Variants in SCHIP1 observed in about 807,000 individuals in gnomAD.
The protein encoded by SCHIP1 is schwannomin interacting protein 1.
SCHIP1 carries 8 observed loss-of-function variants against 29.7 expected under a neutral mutation model. The observed-to-expected ratio is 0.27, with a 90% confidence interval of 0.16 to 0.49. The LOEUF (loss-of-function observed/expected upper bound fraction) is 0.49, where lower values mean the gene tolerates loss of function less well. Ranked by LOEUF, SCHIP1 falls within the 20% of genes least tolerant of loss-of-function variation. The pLI is 0.99. For missense variants in SCHIP1, 193 were observed against 294.6 expected (o/e 0.66, Z 2.52); for synonymous variants, 76 against 94.9 (o/e 0.80, Z 1.16).
At chr3:159,372,896 A>T in the SCHIP1 span, among the ~76,000 whole-genome samples, 1 of 152,078 alleles carries the variant, frequency 6.6e-6, no homozygotes, top group Non-Finnish European at 1.5e-5. Flanking sequence ...TGGCAACAGA[A>T]ACCTTATAGT....
At chr3:159,719,643 A>C in the SCHIP1 span, among the ~76,000 whole-genome samples, 2 of 152,378 alleles carry the variant, frequency 1.3e-5, no homozygotes, top group East Asian at 3.9e-4. Flanking sequence ...AATGCTCATC[A>C]TCACTGGCCA....
intron 2 of SCHIP1, among the ~76,000 whole-genome samples, chr3:159,884,045 T>G (rs1222607617): frequency 6.6e-6 from 1 of 152,202 alleles, no homozygotes; most frequent in African/African-American, 2.4e-5. Flanking sequence ...ATTTTACATT[T>G]TTATAATCTG....
intron 1 of SCHIP1, among the ~76,000 whole-genome samples, chr3:159,865,099 G>T (rs1483659026): frequency 1.3e-5 from 2 of 152,082 alleles, no homozygotes; most frequent in African/African-American, 4.8e-5. Flanking sequence ...GAGAATGAAG[G>T]CATCACCAAG....
At chr3:159,765,412 A>G in the SCHIP1 span, 1 of 416,600 alleles carries the variant, frequency 2.4e-6, no homozygotes, top group Non-Finnish European at 4.2e-6. Flanking sequence ...ACTCATTTTA[A>G]TGGAATTACT....
chr3:159,805,522 TC>T, the SCHIP1 span, among the ~76,000 whole-genome samples: 1 of 152,186 alleles, frequency 6.6e-6, no homozygotes, highest in Non-Finnish European at 1.5e-5. Context: ...GACTTAGGCC[TC>T]CCTCACCTTG....
exon 4 of SCHIP1, chr3:159,887,878 C>T: frequency 6.2e-7 from 1 of 1,613,998 alleles, no homozygotes; most frequent in Non-Finnish European, 8.5e-7. Flanking sequence ...AGAAACAGAA[C>T]AGGAAAAAGT....
intron 2 of SCHIP1, among the ~76,000 whole-genome samples, chr3:159,882,347 A>G (rs1716529525): frequency 6.6e-6 from 1 of 152,086 alleles, no homozygotes; most frequent in African/African-American, 2.4e-5. Flanking sequence ...ACAGGGGGAT[A>G]AAAATCTTAC....
the SCHIP1 span, among the ~76,000 whole-genome samples, chr3:159,740,771 GAAAAAAA>G: frequency 2.8e-4 from 29 of 104,912 alleles, no homozygotes; most frequent in Admixed American, 1.4e-3. Flanking sequence ...CAAAAAAAAA[GAAAAAAA>G]AAAAAAAAAA....
the SCHIP1 span, among the ~76,000 whole-genome samples, chr3:159,504,435 T>A: frequency 2.0e-5 from 3 of 152,202 alleles, no homozygotes; most frequent in Admixed American, 1.3e-4. Flanking sequence ...AAAGTATATT[T>A]ACATTTAAAA....
chr3:159,704,757 C>T, the SCHIP1 span, among the ~76,000 whole-genome samples: 4 of 152,106 alleles, frequency 2.6e-5, no homozygotes, highest in Non-Finnish European at 5.9e-5. Flanking sequence ...AAAGAATTCA[C>T]GGCACCAATA....
chr3:159,711,261 T>C, the SCHIP1 span, among the ~76,000 whole-genome samples: 6 of 78,508 alleles, frequency 7.6e-5, 2 homozygotes, highest in African/African-American at 9.8e-4. Flanking sequence ...CTTGGGAGGC[T>C]GAGGCAGGAG....
chr3:159,523,658 C>G, the SCHIP1 span, among the ~76,000 whole-genome samples: 1 of 152,102 alleles, frequency 6.6e-6, no homozygotes, highest in African/African-American at 2.4e-5. Flanking sequence ...CATTTATTTA[C>G]GCATCCATCC....
the SCHIP1 span, among the ~76,000 whole-genome samples, chr3:159,383,078 G>T: frequency 2.0e-5 from 3 of 149,794 alleles, 1 homozygote; most frequent in African/African-American, 7.4e-5. Flanking sequence ...TCTGACGGTA[G>T]CTTCTTTTGC....
At chr3:159,748,814 A>T in the SCHIP1 span, among the ~76,000 whole-genome samples, 1 of 152,250 alleles carries the variant, frequency 6.6e-6, no homozygotes, top group Non-Finnish European at 1.5e-5. Context: ...CAAAAAGAGC[A>T]TTTTAGTCTC....
chr3:159,852,881 T>A (rs2109115901), intron 1 of SCHIP1: 1 of 152,630 alleles, frequency 6.6e-6, no homozygotes, highest in East Asian at 1.9e-4. Flanking sequence ...AGTAGTGAAG[T>A]CGGCTGGGCT....
chr3:159,523,342 T>C, the SCHIP1 span, among the ~76,000 whole-genome samples: 1 of 152,232 alleles, frequency 6.6e-6, no homozygotes, highest in Admixed American at 6.5e-5. Flanking sequence ...TACATTATAA[T>C]TGTTACTTTT....
At chr3:159,578,143 T>G in the SCHIP1 span, among the ~76,000 whole-genome samples, 8 of 152,118 alleles carry the variant, frequency 5.3e-5, no homozygotes, top group African/African-American at 1.7e-4. Flanking sequence ...GAACCTGATT[T>G]TGAGTGACAA....
intron 2 of SCHIP1, among the ~76,000 whole-genome samples, chr3:159,879,842 T>C (rs1202745320): frequency 6.6e-6 from 1 of 152,196 alleles, no homozygotes; most frequent in Non-Finnish European, 1.5e-5. Context: ...AGGGGCGATG[T>C]TTCTCCAAAG....
the SCHIP1 span, among the ~76,000 whole-genome samples, chr3:159,310,436 T>C: frequency 6.6e-6 from 1 of 152,194 alleles, no homozygotes; most frequent in Non-Finnish European, 1.5e-5. Flanking sequence ...GCATATTTAA[T>C]TGAGTTCCTC....
Sources: allele counts gnomAD v4.1 joint callset (sites outside exome capture counted in the v4.1 genomes callset), GRCh38; gene constraint gnomAD v4.1.1; transcripts MANE v1.5; gene names NCBI Gene and HGNC (gene_info 2026-07-23, HGNC 2026-07-21).